LRP1B: variants seen among roughly 807,000 people sequenced by gnomAD.
The protein encoded by LRP1B is LDL receptor related protein 1B, also known as low-density lipoprotein receptor-related protein 1B.
A neutral mutation model predicts 556.6 loss-of-function variants in LRP1B; 217 were observed. The observed-to-expected ratio is 0.39, with a 90% CI of 0.35 to 0.44. The LOEUF is 0.44. Among genes scored for constraint, LRP1B ranks in the 20% least tolerant of loss-of-function variants. The pLI is 1.00. For synonymous variants in LRP1B, 2,047 were observed against 1,865.8 expected (o/e 1.10, Z -2.50); for missense variants, 5,053 against 5,620.8 (o/e 0.90, Z 3.23).
chr2:142,100,415 A>G (rs1706532212), intron 1 of LRP1B, among the ~76,000 whole-genome samples: 1 of 152,024 alleles, frequency 6.6e-6, no homozygotes, highest in Non-Finnish European at 1.5e-5. Context: ...AGTGAATACC[A>G]GCTTTTAGAA....
At chr2:140,370,581 A>T in intron 71 of LRP1B, 129 bp downstream of exon 71, 1 of 1,284,820 alleles carries the variant, frequency 7.8e-7, no homozygotes. Flanking sequence ...CTATGTAATG[A>T]AACTTGGAAG....
chr2:141,565,186 C>G (rs1245371926), intron 2 of LRP1B, among the ~76,000 whole-genome samples: 1 of 152,084 alleles, frequency 6.6e-6, no homozygotes, highest in Admixed American at 6.6e-5. Context: ...ATGCTGCATA[C>G]TGTGAATTCA....
chr2:141,686,517 T>C (rs901390078), intron 2 of LRP1B, among the ~76,000 whole-genome samples: 1 of 152,050 alleles, frequency 6.6e-6, no homozygotes, highest in Non-Finnish European at 1.5e-5. Flanking sequence ...AATGGTATTA[T>C]AGATGACTAT....
At chr2:141,447,189 C>T (rs908703316) in intron 3 of LRP1B, among the ~76,000 whole-genome samples, 1 of 151,604 alleles carries the variant, frequency 6.6e-6, no homozygotes, top group African/African-American at 2.4e-5. Flanking sequence ...ATCCTTTCTT[C>T]TGCTTGATCG....
At chr2:140,888,518 T>C (rs868218211) in intron 23 of LRP1B, among the ~76,000 whole-genome samples, 1 of 150,924 alleles carries the variant, frequency 6.6e-6, no homozygotes, top group Non-Finnish European at 1.5e-5. Context: ...CATATAAATA[T>C]ACATACATAT....
At chr2:140,239,369 A>T (rs1429605440) in intron 88 of LRP1B, 73 bp downstream of exon 88, 16 of 959,372 alleles carry the variant, frequency 1.7e-5, no homozygotes, top group Non-Finnish European at 2.2e-5. Flanking sequence ...AAAAATTAAC[A>T]ACAAACATTA....
chr2:140,981,872 TGA>T (rs1696779218), intron 18 of LRP1B, among the ~76,000 whole-genome samples: 1 of 152,162 alleles, frequency 6.6e-6, no homozygotes, highest in South Asian at 2.1e-4. Context: ...AATGAACATT[TGA>T]GAGTGTCCTG....
At chr2:140,851,881 A>C in intron 27 of LRP1B, 98 bp from the exon 28 acceptor site, 1 of 1,146,038 alleles carries the variant, frequency 8.7e-7, no homozygotes, top group Non-Finnish European at 1.2e-6. Context: ...ATTCAAAGTA[A>C]AGTTTCCTAC....
At chr2:141,855,342 A>C (rs181670939) in intron 1 of LRP1B, among the ~76,000 whole-genome samples, 269 of 152,298 alleles carry the variant, frequency 1.8e-3, no homozygotes, top group Non-Finnish European at 1.4e-3. Context: ...TCGAATTAAG[A>C]AAATGAAATT....
chr2:140,287,525 A>T (rs1437545256), intron 84 of LRP1B, among the ~76,000 whole-genome samples: 1 of 151,728 alleles, frequency 6.6e-6, no homozygotes, highest in Non-Finnish European at 1.5e-5. Flanking sequence ...TGAGATCATC[A>T]TTATAAATCT....
intron 46 of LRP1B, among the ~76,000 whole-genome samples, chr2:140,535,750 A>C (rs750217299): frequency 2.6e-5 from 4 of 152,134 alleles, no homozygotes; most frequent in Non-Finnish European, 4.4e-5. Context: ...TTCCAGGAAA[A>C]AATATTGTTG....
chr2:142,047,780 C>T lies in LRP1B; in HGVS notation c.82+82868G>A, dbSNP rs114816807. ...TGGGAGATGCTCTGTTTTGCTTCTT[C>T]CCTGGTCTGCTTCAGAGGATCCAGG... On this transcript the variant is annotated intron_variant, in intron 1 of 90. Transcript: ENST00000389484. Among the ~76,000 whole-genome samples, 1,479 of 152,040 alleles carry T rather than the reference C, an allele frequency of 9.7e-3. 14 individuals carry two copies. Among genetic ancestry groups the T allele is most frequent in the African/African-American group, 0.027 (1,137 of 41,488 alleles).
chr2:140,435,459 A>G (rs916517396), intron 66 of LRP1B, among the ~76,000 whole-genome samples: 2 of 152,166 alleles, frequency 1.3e-5, no homozygotes, highest in African/African-American at 4.8e-5. Context: ...ATCAATTTAG[A>G]TTTCTAATTA....
intron 84 of LRP1B, among the ~76,000 whole-genome samples, chr2:140,291,549 G>T (rs1683390793): frequency 6.6e-6 from 1 of 151,526 alleles, no homozygotes; most frequent in African/African-American, 2.4e-5. Flanking sequence ...CCATGACTGA[G>T]AACATGCAGC....
chr2:140,879,479 T>C (rs1008839827), intron 25 of LRP1B, among the ~76,000 whole-genome samples: 4 of 152,154 alleles, frequency 2.6e-5, no homozygotes, highest in African/African-American at 9.7e-5. Context: ...ATTCCAACAC[T>C]TTTTATAAAT....
chr2:141,196,964 G>C (rs551250183), intron 6 of LRP1B, among the ~76,000 whole-genome samples: 4 of 152,050 alleles, frequency 2.6e-5, no homozygotes, highest in Admixed American at 6.6e-5. Context: ...TAGAGAATAA[G>C]TTTCATGAGA....
chr2:141,693,466 A>G (rs562121042), intron 2 of LRP1B, among the ~76,000 whole-genome samples: 155 of 152,226 alleles, frequency 1.0e-3, no homozygotes, highest in African/African-American at 3.6e-3. Context: ...TATTTTAGTA[A>G]GAATTATTAA....
intron 3 of LRP1B, among the ~76,000 whole-genome samples, chr2:141,360,295 C>A (rs143394326): frequency 6.6e-6 from 1 of 152,324 alleles, no homozygotes; most frequent in African/African-American, 2.4e-5. Flanking sequence ...ATATCCAAGT[C>A]AGGACCAAAA....
intron 84 of LRP1B, among the ~76,000 whole-genome samples, chr2:140,290,478 C>G (rs1461414917): frequency 6.6e-6 from 1 of 152,034 alleles, no homozygotes; most frequent in Non-Finnish European, 1.5e-5. Context: ...AAATGCTGTG[C>G]TAGTCTAAGT....
Sources: allele counts gnomAD v4.1 joint callset (sites outside exome capture counted in the v4.1 genomes callset), GRCh38; gene constraint gnomAD v4.1.1; transcripts MANE v1.5; gene names NCBI Gene and HGNC (gene_info 2026-07-23, HGNC 2026-07-21).